The following CSMD1 variants were observed in gnomAD, a reference collection of about 807,000 sequenced individuals.
CSMD1 encodes the protein CUB and sushi domain-containing protein 1.
A neutral mutation model predicts 417.5 loss-of-function variants in CSMD1; 213 were observed. The ratio of observed to expected loss-of-function variants is 0.51; its 90% confidence interval spans 0.46 to 0.57. The LOEUF (loss-of-function observed/expected upper bound fraction) is 0.57. CSMD1 is among the 20% of genes least tolerant of loss of function. The pLI is 0.00. For synonymous variants in CSMD1, 2,862 were observed against 1,736.8 expected (o/e 1.65, Z -16.11); for missense variants, 6,923 against 4,529.7 (o/e 1.53, Z -15.17).
At chr8:3,199,642 C>G (rs1796884967) in intron 33 of CSMD1, 72 bp downstream of exon 33, 1 of 943,176 alleles carries the variant, frequency 1.1e-6, no homozygotes, top group Non-Finnish European at 1.5e-6. Flanking sequence ...AGTGCTTTGT[C>G]TGAGACTAGC....
At chr8:4,798,882 T>G (rs762981984) in intron 1 of CSMD1, among the ~76,000 whole-genome samples, 1 of 152,174 alleles carries the variant, frequency 6.6e-6, no homozygotes, top group South Asian at 2.1e-4. Flanking sequence ...AATGAAAAGA[T>G]AAAGTAAGAC....
chr8:3,696,079 G>A (rs888476959), intron 7 of CSMD1, among the ~76,000 whole-genome samples: 5 of 152,126 alleles, frequency 3.3e-5, no homozygotes, highest in South Asian at 2.1e-4. Flanking sequence ...TGGGGGACAG[G>A]GAATGAGACA....
chr8:3,017,668 C>G (rs999900760), intron 52 of CSMD1, among the ~76,000 whole-genome samples: 1 of 152,008 alleles, frequency 6.6e-6, no homozygotes, highest in African/African-American at 2.4e-5. Flanking sequence ...CATCTTGTTT[C>G]TTCAAATTCT....
At position 3,367,122 on chromosome 8, in the gene CSMD1, T is replaced by C. The variant is rs1266571335; in HGVS notation, c.3025A>G (p.Lys1009Glu). 1.2e-6 allele frequency: 2 copies of C among 1,613,792 alleles called. No homozygotes were observed. Among genetic ancestry groups the C allele is most frequent in the East Asian group, 2.2e-5 (1 of 44,844 alleles). The change falls in exon 20 of 70, where the codon AAG becomes GAG. Residue 1009 changes from lysine (K) to glutamate (E), a missense_variant. Lys to Glu is a moderately conservative substitution (Grantham distance 56). Transcript: ENST00000635120. ...GTGAAGTTTCCAAACAGGCCTGCCT[T>C]GATCGTATGAGGCAACACCGACCCG... ...LTGSVLPHTIKAGLFGNFTAQ... is the reference protein window; with the variant it reads ...LTGSVLPHTIEAGLFGNFTAQ...
chr8:3,937,752 T>G (rs1275202602), intron 5 of CSMD1, among the ~76,000 whole-genome samples: 1 of 152,124 alleles, frequency 6.6e-6, no homozygotes, highest in African/African-American at 2.4e-5. Flanking sequence ...TATTACTGAT[T>G]AAGATGTAAT....
intron 3 of CSMD1, among the ~76,000 whole-genome samples, chr8:4,044,501 G>A (rs144529298): frequency 2.6e-5 from 4 of 152,206 alleles, no homozygotes; most frequent in Admixed American, 6.5e-5. Context: ...GACCCCTCCA[G>A]AGGGAGGAAG....
intron 5 of CSMD1, among the ~76,000 whole-genome samples, chr8:3,828,184 C>T (rs1330253312): frequency 6.6e-6 from 1 of 152,122 alleles, no homozygotes; most frequent in Non-Finnish European, 1.5e-5. Flanking sequence ...CAAGTTTAAC[C>T]AGTATGCAAT....
intron 2 of CSMD1, among the ~76,000 whole-genome samples, chr8:4,581,416 C>A (rs1799413223): frequency 6.6e-6 from 1 of 152,046 alleles, no homozygotes; most frequent in Non-Finnish European, 1.5e-5. Flanking sequence ...CAATTTTTAT[C>A]TTTTTGAGCT....
intron 7 of CSMD1, among the ~76,000 whole-genome samples, chr8:3,697,023 G>T (rs1469994254): frequency 6.6e-6 from 1 of 152,102 alleles, no homozygotes; most frequent in African/African-American, 2.4e-5. Context: ...GGTGAATGTG[G>T]TCACATTCCT....
At chr8:3,624,431 A>G (rs1773021424) in intron 7 of CSMD1, among the ~76,000 whole-genome samples, 1 of 152,214 alleles carries the variant, frequency 6.6e-6, no homozygotes, top group Non-Finnish European at 1.5e-5. Context: ...CCAATATAAG[A>G]GCCATTTAGA....
intron 54 of CSMD1, among the ~76,000 whole-genome samples, chr8:2,996,337 G>C (rs1339804625): frequency 6.6e-6 from 1 of 152,016 alleles, no homozygotes; most frequent in Non-Finnish European, 1.5e-5. Flanking sequence ...TTTAAAATGA[G>C]AGACTACACA....
intron 25 of CSMD1, among the ~76,000 whole-genome samples, chr8:3,286,038 C>A (rs1262778770): frequency 6.6e-6 from 1 of 152,090 alleles, no homozygotes; most frequent in South Asian, 2.1e-4. Flanking sequence ...CATGTGTTCT[C>A]ACTGTTCAAC....
chr8:3,453,766 T>C (rs1815911334), intron 12 of CSMD1, among the ~76,000 whole-genome samples: 1 of 152,172 alleles, frequency 6.6e-6, no homozygotes, highest in South Asian at 2.1e-4. Flanking sequence ...TGTGGTATGG[T>C]GCTGAAAAGA....
intron 8 of CSMD1, among the ~76,000 whole-genome samples, chr8:3,614,941 C>G (rs1004764393): frequency 6.6e-6 from 1 of 152,110 alleles, no homozygotes; most frequent in Non-Finnish European, 1.5e-5. Flanking sequence ...TTTTCCTCGA[C>G]AAGAGGGACA....
intron 7 of CSMD1, among the ~76,000 whole-genome samples, chr8:3,641,228 G>A (rs1263227954): frequency 8.6e-5 from 13 of 151,894 alleles, no homozygotes; most frequent in Non-Finnish European, 1.5e-5. Context: ...CCACTTGGCT[G>A]CTTCTCTGTG....
intron 6 of CSMD1, among the ~76,000 whole-genome samples, chr8:3,731,912 GT>G (rs1042954643): frequency 6.6e-6 from 1 of 152,160 alleles, no homozygotes; most frequent in African/African-American, 2.4e-5. Flanking sequence ...GACCTTAGTG[GT>G]TTTGGACCTG....
intron 7 of CSMD1, among the ~76,000 whole-genome samples, chr8:3,698,498 C>A (rs1489705232): frequency 1.3e-5 from 2 of 152,220 alleles, no homozygotes; most frequent in East Asian, 3.8e-4. Flanking sequence ...AGACCTACAG[C>A]ACTTAGTGCT....
intron 37 of CSMD1, among the ~76,000 whole-genome samples, chr8:3,180,192 A>T (rs1324150302): frequency 6.6e-6 from 1 of 152,228 alleles, no homozygotes; most frequent in African/African-American, 2.4e-5. Flanking sequence ...TACAAGGTTT[A>T]CCTGCATAAT....
intron 2 of CSMD1, among the ~76,000 whole-genome samples, chr8:4,517,558 C>T (rs1210180831): frequency 3.3e-5 from 5 of 152,150 alleles, no homozygotes; most frequent in Non-Finnish European, 7.3e-5. Flanking sequence ...CTTTATTCTA[C>T]AGCAGTTTCA....
Sources: allele counts gnomAD v4.1 joint callset (sites outside exome capture counted in the v4.1 genomes callset), GRCh38; gene constraint gnomAD v4.1.1; transcripts MANE v1.5; gene names NCBI Gene and HGNC (gene_info 2026-07-23, HGNC 2026-07-21).